The following CHD1L variants were observed in gnomAD, a reference collection of about 807,000 sequenced individuals.
CHD1L encodes the protein ATP-dependent chromatin remodeler CHD1L.
Under a neutral mutation model 115.9 loss-of-function variants are expected in CHD1L, and 118 were observed. The observed-to-expected ratio is 1.02, with a 90% CI of 0.88 to 1.19. The LOEUF (loss-of-function observed/expected upper bound fraction) is 1.19. Ranked by LOEUF, CHD1L falls within the 50% of genes most tolerant of loss-of-function variation. CHD1L has a pLI of 0.00. For synonymous variants in CHD1L, 411 were observed against 387.1 expected (o/e 1.06, Z -0.72); for missense variants, 1,179 against 1,065.3 (o/e 1.11, Z -1.49).
chr1:147,293,528 G>A, intron 20 of CHD1L, 80 bp from the exon 21 acceptor site: 1 of 1,168,342 alleles, frequency 8.6e-7, no homozygotes, highest in Non-Finnish European at 1.3e-6. Flanking sequence ...ATCAAGGGCT[G>A]TGCCGCCTCC....
At chr1:147,288,021 A>G (rs1350061859) in intron 19 of CHD1L, among the ~76,000 whole-genome samples, 3 of 152,178 alleles carry the variant, frequency 2.0e-5, no homozygotes, top group Non-Finnish European at 4.4e-5. Flanking sequence ...TGATCCCTGC[A>G]TACATGTTAA....
chr1:147,201,965 GTT>G, the CHD1L span, among the ~76,000 whole-genome samples: 3 of 152,282 alleles, frequency 2.0e-5, no homozygotes, highest in African/African-American at 7.2e-5. Flanking sequence ...GCAATTTACA[GTT>G]TATAAGTTGC....
chr1:147,290,095 TTTTG>T (rs777719729), intron 19 of CHD1L, among the ~76,000 whole-genome samples: 15 of 152,092 alleles, frequency 9.9e-5, no homozygotes, highest in Admixed American at 3.9e-4. Context: ...TTTTTTGTTG[TTTTG>T]TTTTTGTTTT....
At chr1:147,212,758 C>T in the CHD1L span, among the ~76,000 whole-genome samples, 1 of 152,144 alleles carries the variant, frequency 6.6e-6, no homozygotes, top group East Asian at 1.9e-4. Context: ...CTTTGCTTAA[C>T]TCAGGATGTG....
rs587682112 is a variant in CHD1L, at chr1:147,248,566, A to G, written c.128-4057A>G. On this transcript the variant is annotated intron_variant, in intron 1 of 22. Transcript: ENST00000369258. ...ATTTATATTTCAAGTAATTATTACT[A>G]TGTTTGAGCTTAACTCTGCCATCTT... Among the ~76,000 whole-genome samples, 4 of 152,310 alleles carry G rather than the reference A, an allele frequency of 2.6e-5. No homozygotes were observed. The East Asian group carries it at 7.7e-4, about 29-fold the overall frequency.
At chr1:147,208,627 T>C in the CHD1L span, 16 of 386,514 alleles carry the variant, frequency 4.1e-5, no homozygotes, top group Admixed American at 7.4e-5. Context: ...TTAGTAGAGA[T>C]GGGGTTTCAC....
chr1:147,255,435 C>T (rs587680314), intron 3 of CHD1L, among the ~76,000 whole-genome samples: 2 of 152,286 alleles, frequency 1.3e-5, no homozygotes, highest in East Asian at 3.9e-4. Context: ...CCATGTTGGT[C>T]AGGCTGGTCT....
At chr1:147,208,901 T>C in the CHD1L span, 3 of 1,614,166 alleles carry the variant, frequency 1.9e-6, no homozygotes, top group South Asian at 3.3e-5. Context: ...CTTTGGTTTA[T>C]CTTTTTTTCC....
chr1:147,266,754 G>T (rs1371752862), intron 8 of CHD1L, among the ~76,000 whole-genome samples: 7 of 152,162 alleles, frequency 4.6e-5, no homozygotes, highest in Non-Finnish European at 1.5e-5. Flanking sequence ...AGCAAAAAAG[G>T]TTAAAGTTCT....
At chr1:147,211,856 AC>A in the CHD1L span, among the ~76,000 whole-genome samples, 15 of 152,352 alleles carry the variant, frequency 9.8e-5, no homozygotes, top group East Asian at 2.3e-3. Context: ...TGCATGTGCT[AC>A]AGTTTGGACG....
the CHD1L span, among the ~76,000 whole-genome samples, chr1:147,188,975 C>T: frequency 6.6e-6 from 1 of 152,064 alleles, no homozygotes; most frequent in Non-Finnish European, 1.5e-5. Flanking sequence ...CACAGGTGAC[C>T]TTTAAGAGAG....
the CHD1L span, among the ~76,000 whole-genome samples, chr1:147,233,071 C>T: frequency 1.1e-4 from 16 of 151,750 alleles, no homozygotes; most frequent in East Asian, 2.0e-4. Flanking sequence ...TCTGCCCGGC[C>T]GCCCATCGTC....
the CHD1L span, chr1:147,215,148 C>T: frequency 6.6e-6 from 1 of 152,074 alleles, no homozygotes; most frequent in African/African-American, 2.4e-5. Context: ...TGATCTGGTA[C>T]AATCATCTTG....
the CHD1L span, among the ~76,000 whole-genome samples, chr1:147,198,113 C>T: frequency 6.6e-6 from 1 of 152,158 alleles, no homozygotes; most frequent in African/African-American, 2.4e-5. Flanking sequence ...AGAGATCTGG[C>T]TCCCATTCTG....
rs942221386 is a variant in CHD1L at position 147,256,563 on chromosome 1, G to A, written c.494+1G>A. 92 of 1,612,756 alleles carry A rather than the reference G, an allele frequency of 5.7e-5. No individual in the cohort carries two copies. The highest frequency in any genetic ancestry group is 1.6e-4 in the Middle Eastern group (1 of 6,078). ...TGAAAGATGCATCATTTCTAAAATC[G>A]TGAGTAGGTTGTACTATTTAAGAAC... On this transcript the variant is annotated splice_donor_variant, in intron 5 of 22. Coordinates refer to ENST00000369258, the MANE Select transcript of CHD1L (RefSeq NM_004284.6). LOFTEE classifies it high-confidence loss of function.
chr1:147,284,056 A>G (rs1682040155), intron 15 of CHD1L, among the ~76,000 whole-genome samples: 1 of 152,348 alleles, frequency 6.6e-6, no homozygotes, highest in Non-Finnish European at 1.5e-5. Flanking sequence ...AGTTGGGAAT[A>G]AATGAATGAG....
At chr1:147,282,528 T>C (rs998587510) in intron 15 of CHD1L, among the ~76,000 whole-genome samples, 1 of 152,174 alleles carries the variant, frequency 6.6e-6, no homozygotes, top group Admixed American at 6.5e-5. Flanking sequence ...TCATTATCCC[T>C]CCAGCAACTT....
the CHD1L span, chr1:147,175,350 C>A: frequency 2.6e-5 from 4 of 152,134 alleles, no homozygotes; most frequent in Non-Finnish European, 4.4e-5. Context: ...TAATGTCCTT[C>A]ACCTGGTGAT....
Position 147,295,697 on chromosome 1 carries a change from CT to C in CHD1L, c.*195del, listed in dbSNP as rs1206413639. ...GTACCTGTAATATAGGGAAACACAA[CT>C]TTTTTTGGGAAAGCCCTTTGACCCC... On this transcript the variant is annotated 3_prime_UTR_variant, in exon 23 of 23. Transcript: ENST00000369258. 5.7e-6 allele frequency: 3 copies of C among 522,984 alleles called. No individual in the cohort carries two copies. Among genetic ancestry groups the C allele is most frequent in the East Asian group, 3.3e-5 (1 of 29,996 alleles). The allele number at this position is 522,984 out of a possible 1,614,324, so 32.4% of individuals were successfully genotyped here.
Sources: allele counts gnomAD v4.1 joint callset (sites outside exome capture counted in the v4.1 genomes callset), GRCh38; gene constraint gnomAD v4.1.1; transcripts MANE v1.5; gene names NCBI Gene and HGNC (gene_info 2026-07-23, HGNC 2026-07-21).